The following XPO1 variants were observed in gnomAD, a reference collection of about 807,000 sequenced individuals.
The protein encoded by XPO1 is exportin 1.
In XPO1, 5 loss-of-function variants were observed where a neutral mutation model predicts 133.3. The ratio of observed to expected loss-of-function variants is 0.04; its 90% CI spans 0.02 to 0.08. The LOEUF (loss-of-function observed/expected upper bound fraction) is 0.08, where lower values mean the gene tolerates loss of function less well. XPO1 is among the 10% of genes least tolerant of loss of function. XPO1 has a pLI of 1.00. For synonymous variants in XPO1, 419 were observed against 408.2 expected (o/e 1.03, Z -0.32); for missense variants, 506 against 1,267.5 (o/e 0.40, Z 9.12).
intron 4 of XPO1, among the ~76,000 whole-genome samples, chr2:61,504,303 G>A (rs902658981): frequency 6.6e-6 from 1 of 152,066 alleles, no homozygotes; most frequent in African/African-American, 2.4e-5. Context: ...ATCTACTATA[G>A]GTTCCATTCT....
chr2:61,511,189 T>C (rs1698079595), intron 4 of XPO1, among the ~76,000 whole-genome samples: 1 of 152,184 alleles, frequency 6.6e-6, no homozygotes, highest in South Asian at 2.1e-4. Flanking sequence ...AATGGCGCAA[T>C]CTCGGCTCAC....
At position 61,537,813 on chromosome 2, in the gene XPO1, T is replaced by A. The variant is rs1221148876; in HGVS notation, c.-258A>T. ...CCCCCCCCCAAAAGGGGAATTAATC[T>A]GGGGAATAAATGCTCCCGCCCGGCT... On this transcript the variant is annotated 5_prime_UTR_variant, in exon 1 of 25. Transcript: ENST00000401558. 6.9e-6 allele frequency: 1 copy of A among 144,082 alleles called. No homozygotes were observed. The highest frequency in any genetic ancestry group is 1.5e-5 in the Non-Finnish European group (1 of 68,316). The allele number at this position is 144,082 out of a possible 1,614,324, so 8.9% of individuals were successfully genotyped here. A position where few individuals can be genotyped will look rare whatever the true frequency, so the allele number is the denominator to read the frequency against.
chr2:61,479,448 G>A (rs979656897), intron 24 of XPO1, among the ~76,000 whole-genome samples: 8 of 118,984 alleles, frequency 6.7e-5, no homozygotes, highest in Admixed American at 3.2e-4. Flanking sequence ...GCGAGACTGT[G>A]CCCCCCCAAA....
At chr2:61,479,084 G>A (rs1223804874) in intron 24 of XPO1, 118 bp from the exon 25 acceptor site, 3 of 1,244,952 alleles carry the variant, frequency 2.4e-6, no homozygotes, top group African/African-American at 3.0e-5. Flanking sequence ...CCATAAAGTG[G>A]CTGGGTTTTA....
rs553636078 is a variant in XPO1, at chr2:61,512,372, G to C, written c.302-10062C>G. ...AATTAGGAAATAGGGTTTCTGCTCT[G>C]AATTCCATAGTCAACGAACTATGAA... On this transcript the variant is annotated intron_variant, in intron 4 of 24. Coordinates refer to ENST00000401558, the MANE Select transcript of XPO1 (RefSeq NM_003400.4). 1.1e-4 allele frequency among the ~76,000 whole-genome samples: 17 copies of C among 152,260 alleles called. No individual in the cohort carries two copies. In the East Asian group the frequency reaches 2.5e-3, roughly 22 times the overall value.
intron 16 of XPO1, among the ~76,000 whole-genome samples, 197 bp from the exon 17 acceptor site, chr2:61,490,973 G>A (rs1483328686): frequency 6.6e-6 from 1 of 152,170 alleles, no homozygotes; most frequent in Non-Finnish European, 1.5e-5. Context: ...TGACCAACGT[G>A]GTGAAACCCC....
intron 2 of XPO1, among the ~76,000 whole-genome samples, chr2:61,531,872 C>T (rs767066574): frequency 2.6e-5 from 4 of 152,168 alleles, no homozygotes; most frequent in Admixed American, 6.5e-5. Flanking sequence ...CTGATCAAAA[C>T]GCCCTAAAAG....
chr2:61,481,193 G>T lies in XPO1; in HGVS notation c.3061C>A (p.Gln1021Lys). The T allele has an allele frequency of 1.2e-6, 2 of 1,600,538 alleles. No homozygotes were observed. The highest frequency in any genetic ancestry group is 2.2e-5 in the South Asian group (2 of 89,396). ...FKEHLRDFLV[Q>K]IKEFAGEDTS... ...AGCAAATAAATACATACCTTTATTTGAACTAGGAAATCTCTTAAATGTTCC... is the reference window on the plus strand; with the variant it reads ...AGCAAATAAATACATACCTTTATTTTAACTAGGAAATCTCTTAAATGTTCC... The change falls in exon 24 of 25, where the codon CAA (glutamine) becomes AAA (lysine). Residue 1021 changes from glutamine to lysine, a missense_variant. Physicochemically the swap from Gln to Lys is moderately conservative, Grantham distance 53. Around this residue, in one of 6 missense-constraint regions of XPO1, gnomAD observed 203 missense variants for 365.9 expected, o/e 0.55. Transcript: ENST00000401558.
intron 24 of XPO1, 94 bp from the exon 25 acceptor site, chr2:61,479,060 G>A (rs1259759848): frequency 1.4e-6 from 2 of 1,419,102 alleles, no homozygotes; most frequent in African/African-American, 1.4e-5. Flanking sequence ...AGAGAAGGAA[G>A]GAATATAAAT....
intron 5 of XPO1, 23 bp downstream of exon 5, chr2:61,502,226 T>C (rs1023325161): frequency 6.2e-7 from 1 of 1,607,298 alleles, no homozygotes; most frequent in African/African-American, 1.3e-5. Context: ...GCTCTCCCAA[T>C]AAGCTCCAAA....
chr2:61,531,175 C>T (rs542004150), intron 2 of XPO1, among the ~76,000 whole-genome samples: 1 of 152,326 alleles, frequency 6.6e-6, no homozygotes, highest in East Asian at 1.9e-4. Context: ...GAACTAACGA[C>T]ATAGGACTTT....
At chr2:61,502,610 G>A in intron 4 of XPO1, 1 of 232,878 alleles carries the variant, frequency 4.3e-6, no homozygotes, top group South Asian at 5.6e-5. Context: ...AAAATTAACT[G>A]GGCGTGGTGG....
rs1356100754 is a variant in XPO1 at position 61,537,784 on chromosome 2, C to CA, written c.-230_-229insT. 8.0e-5 allele frequency: 12 copies of CA among 150,112 alleles called. No homozygotes were observed. In the East Asian group the frequency reaches 1.2e-3, roughly 15 times the overall value. 9.3% of individuals were successfully genotyped at this position (150,112 alleles called of 1,614,324 possible). A position where few individuals can be genotyped will look rare whatever the true frequency, so the allele number is the denominator to read the frequency against. On this transcript the variant is annotated 5_prime_UTR_variant, in exon 1 of 25. Transcript: ENST00000401558. ...ACACACACACACACACACACACACACCCGCCCCCCCCCAAAAGGGGAATTA... is the reference window on the plus strand; with the variant it reads ...ACACACACACACACACACACACACACACCGCCCCCCCCCAAAAGGGGAATTA...
At chr2:61,528,548 G>A (rs1362969581) in intron 2 of XPO1, among the ~76,000 whole-genome samples, 6 of 151,072 alleles carry the variant, frequency 4.0e-5, no homozygotes, top group Non-Finnish European at 7.4e-5. Flanking sequence ...CAGGAGAATC[G>A]CTTGAATCCA....
chr2:61,520,830 A>G (rs1698654968), intron 4 of XPO1, among the ~76,000 whole-genome samples: 1 of 152,240 alleles, frequency 6.6e-6, no homozygotes, highest in Non-Finnish European at 1.5e-5. Flanking sequence ...TTAAAATTAT[A>G]CAACAGTAAA....
Position 61,488,283 on chromosome 2 carries a change from A to T in XPO1, c.2207-12T>A. 1 of 1,607,048 alleles carries T rather than the reference A, an allele frequency of 6.2e-7. No homozygotes were observed. Among genetic ancestry groups the T allele is most frequent in the South Asian group, 1.1e-5 (1 of 90,868 alleles). ...TGTAACCATTTCACCTACAAAACAG[A>T]ATCAAATGGAATCTAATTTTACCAC... On this transcript the variant is annotated splice_polypyrimidine_tract_variant and intron_variant, in intron 18 of 24. Transcript: ENST00000401558.
At position 61,488,778 on chromosome 2, in the gene XPO1, G is replaced by A. The variant is rs765386280; in HGVS notation, c.2023-7C>T. ...CTTTCAGTATATCCACATTCTTGGAGGAAAAAAAGCAAATTCCATTTATCA... is the reference window on the plus strand; with the variant it reads ...CTTTCAGTATATCCACATTCTTGGAAGAAAAAAAGCAAATTCCATTTATCA... On this transcript the variant is annotated splice_polypyrimidine_tract_variant and splice_region_variant and intron_variant, in intron 17 of 24. Coordinates refer to ENST00000401558, the MANE Select transcript of XPO1 (RefSeq NM_003400.4). 3.1e-6 allele frequency: 5 copies of A among 1,609,270 alleles called. No homozygotes were observed. Among genetic ancestry groups the A allele is most frequent in the African/African-American group, 1.3e-5 (1 of 74,542 alleles).
At position 61,483,918 on chromosome 2, in the gene XPO1, A is replaced by AG; in HGVS notation, c.2677+18_2677+19insC. On this transcript the variant is annotated intron_variant, in intron 21 of 24. Transcript: ENST00000401558. ...TTTGGATTGGCAGGCAAATGAATAA[A>AG]AGAACATCTTTTATTTACCCGTATC... 1.2e-6 allele frequency: 2 copies of AG among 1,608,578 alleles called. No homozygotes were observed. Among genetic ancestry groups the AG allele is most frequent in the Non-Finnish European group, 1.7e-6 (2 of 1,178,154 alleles).
intron 6 of XPO1, among the ~76,000 whole-genome samples, chr2:61,501,383 G>C (rs1697509134): frequency 6.6e-6 from 1 of 152,068 alleles, no homozygotes; most frequent in Admixed American, 6.6e-5. Context: ...AAAGGACTCA[G>C]AGACATACAT....
Sources: gnomAD v4.1 joint callset for allele counts (sites outside exome capture counted in the v4.1 genomes callset) on GRCh38, gnomAD v4.1.1 for gene constraint, gnomAD v4.1.1 regional missense constraint, MANE v1.5 for transcripts, NCBI Gene and HGNC (gene_info 2026-07-23, HGNC 2026-07-21) for gene names.